NAV2: variants seen among roughly 807,000 people sequenced by gnomAD.
NAV2 encodes the protein neuron navigator 2.
NAV2 carries 54 observed loss-of-function variants against 223.2 expected under a neutral mutation model. The observed-to-expected ratio is 0.24, with a 90% CI of 0.19 to 0.30. The LOEUF is 0.30. Ranked by LOEUF, NAV2 falls within the 10% of genes least tolerant of loss-of-function variation. The pLI, the probability that NAV2 is intolerant of heterozygous loss-of-function variation, is 1.00. For synonymous variants in NAV2, 1,279 were observed against 1,239.3 expected (o/e 1.03, Z -0.67); for missense variants, 2,806 against 3,147.5 (o/e 0.89, Z 2.60).
upstream of NAV2, among the ~76,000 whole-genome samples, chr11:19,709,170 CCCG>C (rs146969814): frequency 0.096 from 14,528 of 151,784 alleles, 736 homozygotes; most frequent in South Asian, 0.14. Context: ...ATAGCTTCCC[CCCG>C]CCCCACCCTT....
At chr11:19,926,569 G>T (rs571210654) in intron 6 of NAV2, among the ~76,000 whole-genome samples, 3 of 151,666 alleles carry the variant, frequency 2.0e-5, no homozygotes, top group Non-Finnish European at 4.4e-5. Flanking sequence ...TGGCTACCAG[G>T]TTGTCAAGAA....
chr11:19,360,317 A>G (rs1264713127), intron 1 of NAV2, among the ~76,000 whole-genome samples: 6 of 152,190 alleles, frequency 3.9e-5, no homozygotes, highest in Admixed American at 3.9e-4. Context: ...AGGTCAGTTT[A>G]GCAAGAAGCC....
chr11:19,936,025 A>ATT (rs1565595082), intron 7 of NAV2, among the ~76,000 whole-genome samples: 4 of 109,224 alleles, frequency 3.7e-5, no homozygotes, highest in South Asian at 5.2e-4. Flanking sequence ...ATGCCTGGCT[A>ATT]ATTTTTTTTT....
chr11:19,722,180 C>G (rs192632269), intron 1 of NAV2, among the ~76,000 whole-genome samples: 117 of 152,212 alleles, frequency 7.7e-4, no homozygotes, highest in African/African-American at 2.7e-3. Context: ...GGCTTAATTC[C>G]TTGTTCTTTC....
chr11:19,979,214 A>G (rs931042179), intron 10 of NAV2: 2 of 152,258 alleles, frequency 1.3e-5, no homozygotes, highest in Non-Finnish European at 2.9e-5. Flanking sequence ...GAAAGTACTG[A>G]TGAGAAAATG....
At chr11:19,465,131 G>T (rs1852305082) in intron 1 of NAV2, among the ~76,000 whole-genome samples, 1 of 152,154 alleles carries the variant, frequency 6.6e-6, no homozygotes, top group Non-Finnish European at 1.5e-5. Flanking sequence ...CTATTTTACA[G>T]GGGAGCCTGG....
chr11:19,763,197 G>A (rs898041465), intron 1 of NAV2, among the ~76,000 whole-genome samples: 32 of 152,208 alleles, frequency 2.1e-4, no homozygotes, highest in African/African-American at 7.7e-4. Context: ...GATCTTAAAT[G>A]TTCCACTTGA....
At chr11:20,017,864 C>A (rs1442838010) in intron 11 of NAV2, among the ~76,000 whole-genome samples, 1 of 152,194 alleles carries the variant, frequency 6.6e-6, no homozygotes, top group Non-Finnish European at 1.5e-5. Flanking sequence ...TGTGTCACAT[C>A]TTTTAATGTG....
At chr11:20,081,316 A>G (rs1241195523) in intron 25 of NAV2, among the ~76,000 whole-genome samples, 1 of 152,236 alleles carries the variant, frequency 6.6e-6, no homozygotes, top group Non-Finnish European at 1.5e-5. Flanking sequence ...TGCTGTCTCT[A>G]ATATGCAATC....
chr11:19,826,360 G>T (rs898084503), intron 1 of NAV2, among the ~76,000 whole-genome samples: 12 of 152,336 alleles, frequency 7.9e-5, no homozygotes, highest in African/African-American at 2.9e-4. Context: ...CAGACAGGAA[G>T]CCTGCTTGCT....
intron 1 of NAV2, among the ~76,000 whole-genome samples, chr11:19,433,032 C>A (rs1851090273): frequency 6.6e-6 from 1 of 152,154 alleles, no homozygotes; most frequent in Non-Finnish European, 1.5e-5. Context: ...TGGACATTGA[C>A]AAGCTGGAGT....
At chr11:19,425,985 T>A (rs1008308684) in intron 1 of NAV2, among the ~76,000 whole-genome samples, 1 of 152,170 alleles carries the variant, frequency 6.6e-6, no homozygotes, top group African/African-American at 2.4e-5. Flanking sequence ...AAGTAGATGG[T>A]ATTTGAGTTA....
At chr11:19,635,421 G>C (rs1590742909) in intron 1 of NAV2, among the ~76,000 whole-genome samples, 1 of 152,178 alleles carries the variant, frequency 6.6e-6, no homozygotes, top group East Asian at 1.9e-4. Context: ...AATGTAGGCT[G>C]TCTTAGTCAG....
upstream of NAV2, among the ~76,000 whole-genome samples, chr11:19,350,465 C>T (rs552431211): frequency 9.8e-5 from 15 of 152,340 alleles, no homozygotes; most frequent in African/African-American, 2.6e-4. Flanking sequence ...GGCGGCTTTC[C>T]GCGCAGTGTT....
At chr11:19,746,394 A>C (rs1395720532) in intron 1 of NAV2, among the ~76,000 whole-genome samples, 1 of 152,088 alleles carries the variant, frequency 6.6e-6, no homozygotes, top group African/African-American at 2.4e-5. Context: ...AACTAGAGTA[A>C]ATTTGATTGT....
intron 3 of NAV2, among the ~76,000 whole-genome samples, chr11:19,856,623 C>A (rs2707109): frequency 0.21 from 31,981 of 151,942 alleles, 3,827 homozygotes; most frequent in South Asian, 0.39. Context: ...TAATAATCAC[C>A]CACTGATTGC....
chr11:20,064,809 A>T (rs2058934078), intron 20 of NAV2, among the ~76,000 whole-genome samples: 1 of 152,230 alleles, frequency 6.6e-6, no homozygotes, highest in Non-Finnish European at 1.5e-5. Flanking sequence ...GGATAACAAG[A>T]GACCCGAGGT....
rs201139141 is a variant in NAV2, at chr11:19,616,335, T to TGC, written c.76-216142_76-216141dup. 2.2e-3 allele frequency among the ~76,000 whole-genome samples: 326 copies of TGC among 148,386 alleles called. 1 individual carries two copies. Among genetic ancestry groups the TGC allele is most frequent in the African/African-American group, 7.8e-3 (314 of 40,250 alleles). On this transcript the variant is annotated intron_variant, in intron 1 of 37. Transcript: ENST00000360655. Reference sequence around the variant, plus strand: ...GTGTGTGTGTGTGTGTGTGTGTGTGTGCGCGCGCATGATCTGTGGCTCTCT... The same window carrying TGC: ...GTGTGTGTGTGTGTGTGTGTGTGTGTGCGCGCGCGCATGATCTGTGGCTCTCT...
At chr11:20,010,836 T>G (rs2053504871) in intron 11 of NAV2, among the ~76,000 whole-genome samples, 1 of 152,230 alleles carries the variant, frequency 6.6e-6, no homozygotes, top group Non-Finnish European at 1.5e-5. Flanking sequence ...TAGGAAACTT[T>G]AAGTACTGTA....
Sources: gnomAD v4.1 joint callset for allele counts (sites outside exome capture counted in the v4.1 genomes callset) on GRCh38, gnomAD v4.1.1 for gene constraint, MANE v1.5 for transcripts, NCBI Gene and HGNC (gene_info 2026-07-23, HGNC 2026-07-21) for gene names.